Variants in RPS6KA2 observed in about 807,000 individuals in gnomAD.
RPS6KA2 encodes the protein ribosomal protein S6 kinase A2.
Under a neutral mutation model 91.8 loss-of-function variants are expected in RPS6KA2, and 42 were observed. That is an observed-to-expected ratio of 0.46 (90% CI 0.36 to 0.59). The LOEUF is 0.59. RPS6KA2 is among the 20% of genes least tolerant of loss of function. The pLI, the probability that RPS6KA2 is intolerant of heterozygous loss-of-function variation, is 0.00. For synonymous variants in RPS6KA2, 414 were observed against 393.6 expected (o/e 1.05, Z -0.61); for missense variants, 798 against 978.5 (o/e 0.82, Z 2.46).
Position 166,757,301 on chromosome 6 carries a change from C to T in RPS6KA2, c.123+100899G>A, listed in dbSNP as rs1583085141. Among the ~76,000 whole-genome samples the T allele has an allele frequency of 5.3e-5, 8 of 152,266 alleles. No individual in the cohort carries two copies. The South Asian group carries it at 1.7e-3, about 32-fold the overall frequency. On this transcript the variant is annotated intron_variant, in intron 2 of 21. Coordinates refer to the RPS6KA2 transcript ENST00000503859. ...TTAAGTTTTCTTGGGCTCAAACACA[C>T]CCTCAAACACAAGATAAATTAAAAA...
Position 166,419,740 on chromosome 6 carries a change from A to T in RPS6KA2, c.1820+142T>A. 1.5e-6 allele frequency: 1 copy of T among 648,770 alleles called. No homozygotes were observed. The highest frequency in any genetic ancestry group is 2.8e-6 in the Non-Finnish European group (1 of 360,722). 40.2% of individuals were successfully genotyped at this position (648,770 alleles called of 1,614,324 possible). On this transcript the variant is annotated intron_variant, in intron 18 of 20. Coordinates refer to ENST00000265678, the MANE Select transcript of RPS6KA2 (RefSeq NM_021135.6). The surrounding 1 kb of genome is among the most constrained non-coding windows in gnomAD (Gnocchi z 5.6). Reference sequence around the variant, plus strand: ...AAGAAAGTCTGCGAGTGTTCACTCAAGGCCTGGGAGTGTTTGCATACACGT... The same window carrying T: ...AAGAAAGTCTGCGAGTGTTCACTCATGGCCTGGGAGTGTTTGCATACACGT...
rs537617370 is a variant in RPS6KA2, at chr6:166,668,340, G to C, written c.124-129556C>G. 4.8e-4 allele frequency among the ~76,000 whole-genome samples: 73 copies of C among 152,282 alleles called. 1 individual carries two copies. Among genetic ancestry groups the C allele is most frequent in the South Asian group, 1.0e-3 (5 of 4,822 alleles). On this transcript the variant is annotated intron_variant, in intron 2 of 21. Coordinates refer to the RPS6KA2 transcript ENST00000503859. Reference sequence around the variant, plus strand: ...AGTTCATATGGTGGGGTAGTGTTGAGAGCCCGTCGCTTTCAGCCAGATTGT... The same window carrying C: ...AGTTCATATGGTGGGGTAGTGTTGACAGCCCGTCGCTTTCAGCCAGATTGT...
At chr6:166,769,199 G>A (rs142883387) in intron 2 of RPS6KA2, among the ~76,000 whole-genome samples, 131 of 152,304 alleles carry the variant, frequency 8.6e-4, no homozygotes, top group Non-Finnish European at 1.7e-3. Context: ...GTATTGGAAC[G>A]CATCATCTTT....
chr6:166,702,055 C>T lies in RPS6KA2; in HGVS notation c.123+156145G>A, dbSNP rs931707737. 21 of 1,180,598 alleles carry T rather than the reference C, an allele frequency of 1.8e-5. No homozygotes were observed. The African/African-American group carries it at 2.6e-4, about 14-fold the overall frequency. 73.1% of individuals were successfully genotyped at this position (1,180,598 alleles called of 1,614,324 possible). Reference sequence around the variant, plus strand: ...CCTTACGCATAATCTCCAGAATAGACTTACAAGCCGCAGAGGTGCCTTCAG... The same window carrying T: ...CCTTACGCATAATCTCCAGAATAGATTTACAAGCCGCAGAGGTGCCTTCAG... On this transcript the variant is annotated intron_variant, in intron 2 of 21. Coordinates refer to the RPS6KA2 transcript ENST00000503859.
rs3066214 is a variant in RPS6KA2, at chr6:166,480,479, T to TTATATATATATATATATA, written c.907+8336_907+8353dup. 8.7e-4 allele frequency among the ~76,000 whole-genome samples: 87 copies of TTATATATATATATATATA among 99,828 alleles called. 1 individual carries two copies. The highest frequency in any genetic ancestry group is 1.4e-3 in the African/African-American group (29 of 20,968). 65.5% of individuals were successfully genotyped at this position (99,828 alleles called of 152,430 possible). A position where few individuals can be genotyped will look rare whatever the true frequency, so the allele number is the denominator to read the frequency against. ...TCTTATATTCCTTAAGATTGTGATT[T>TTATATATATATATATATA]TATATATATATATATATATATATAT... On this transcript the variant is annotated intron_variant, in intron 10 of 20. Transcript: ENST00000265678.
At chr6:166,617,567 C>T (rs2128537872) in intron 1 of RPS6KA2, among the ~76,000 whole-genome samples, 1 of 152,298 alleles carries the variant, frequency 6.6e-6, no homozygotes, top group African/African-American at 2.4e-5. Flanking sequence ...AGTAATTTGA[C>T]TTACGCGACG....
intron 2 of RPS6KA2, among the ~76,000 whole-genome samples, chr6:166,706,789 T>C (rs6933629): frequency 0.034 from 5,241 of 152,286 alleles, 292 homozygotes; most frequent in African/African-American, 0.12. Context: ...TCTTAAAGGA[T>C]ACATTCATAT....
chr6:166,555,998 C>G (rs144186604), intron 1 of RPS6KA2, among the ~76,000 whole-genome samples: 1 of 152,208 alleles, frequency 6.6e-6, no homozygotes, highest in African/African-American at 2.4e-5. Context: ...GCAGTGAGCT[C>G]AGGACTGGAG....
chr6:166,646,718 C>T (rs6937198), intron 2 of RPS6KA2, among the ~76,000 whole-genome samples: 27,375 of 152,110 alleles, frequency 0.18, 2,816 homozygotes, highest in African/African-American at 0.27. Flanking sequence ...CCCCTAAGCC[C>T]CCTTCAGTTC....
At chr6:166,756,273 G>C (rs1462062360) in intron 2 of RPS6KA2, among the ~76,000 whole-genome samples, 2 of 151,976 alleles carry the variant, frequency 1.3e-5, no homozygotes. Flanking sequence ...CTGGGCAACA[G>C]AGCGAGACTC....
At chr6:166,524,348 C>T (rs922740749) in intron 3 of RPS6KA2, among the ~76,000 whole-genome samples, 9 of 152,148 alleles carry the variant, frequency 5.9e-5, no homozygotes, top group African/African-American at 1.9e-4. Context: ...AAATATTTCA[C>T]GTAAGCAGCT....
chr6:166,499,172 G>A (rs973561892), intron 7 of RPS6KA2, among the ~76,000 whole-genome samples: 1 of 152,242 alleles, frequency 6.6e-6, no homozygotes, highest in African/African-American at 2.4e-5. Context: ...GCCGAGCTAT[G>A]ATGGAAGAAC....
At chr6:166,573,281 A>G (rs1784743736) in intron 1 of RPS6KA2, among the ~76,000 whole-genome samples, 1 of 152,206 alleles carries the variant, frequency 6.6e-6, no homozygotes, top group Non-Finnish European at 1.5e-5. Context: ...GAGCTTCCAG[A>G]ACCTCGTGTT....
intron 1 of RPS6KA2, among the ~76,000 whole-genome samples, chr6:166,571,354 TC>T (rs1181717203): frequency 3.3e-5 from 5 of 152,140 alleles, no homozygotes; most frequent in Non-Finnish European, 5.9e-5. Context: ...GGTTGCTGCT[TC>T]CCGAACAGCA....
chr6:166,597,157 G>T (rs1055311303), intron 1 of RPS6KA2, among the ~76,000 whole-genome samples: 24 of 152,220 alleles, frequency 1.6e-4, no homozygotes, highest in African/African-American at 5.8e-4. Context: ...GATAGTGCAC[G>T]CCATGGGAGG....
intron 4 of RPS6KA2, 134 bp downstream of exon 4, chr6:166,510,143 C>A (rs1782410433): frequency 4.2e-6 from 2 of 480,546 alleles, no homozygotes; most frequent in Admixed American, 7.7e-5. Context: ...GCACCTTCCT[C>A]CCCAGGCAGG....
chr6:166,744,046 C>A (rs191711638), intron 2 of RPS6KA2, among the ~76,000 whole-genome samples: 2 of 152,220 alleles, frequency 1.3e-5, no homozygotes, highest in Admixed American at 1.3e-4. Flanking sequence ...GCCATCCCAC[C>A]CGTGTCTCAA....
At chr6:166,789,612 C>A (rs1779029823) in intron 2 of RPS6KA2, among the ~76,000 whole-genome samples, 1 of 152,224 alleles carries the variant, frequency 6.6e-6, no homozygotes, top group Admixed American at 6.5e-5. Context: ...GAGACACCCC[C>A]CAGTAGGGGC....
chr6:166,462,415 C>A (rs1268098016), intron 11 of RPS6KA2, among the ~76,000 whole-genome samples: 1 of 152,210 alleles, frequency 6.6e-6, no homozygotes, highest in Non-Finnish European at 1.5e-5. Context: ...TCTGGAGGCT[C>A]ACATCCAGAG....
Sources: gnomAD v4.1 joint callset for allele counts (sites outside exome capture counted in the v4.1 genomes callset) on GRCh38, gnomAD v4.1.1 for gene constraint, Gnocchi (gnomAD v3.1) non-coding constraint, MANE v1.5 for transcripts, NCBI Gene and HGNC (gene_info 2026-07-23, HGNC 2026-07-21) for gene names.